Variants in RIGI observed in about 807,000 individuals in gnomAD.
RIGI encodes the protein RNA sensor RIG-I.
the RIGI span, among the ~76,000 whole-genome samples, chr9:32,471,058 G>A: frequency 6.6e-6 from 1 of 152,206 alleles, no homozygotes; most frequent in Non-Finnish European, 1.5e-5. Flanking sequence ...AGGAGTTCAA[G>A]ACCAGCCTGG....
At chr9:32,487,746 C>T in the RIGI span, 1 of 1,326,736 alleles carries the variant, frequency 7.5e-7, no homozygotes, top group East Asian at 2.4e-5. Flanking sequence ...TTTACTAACA[C>T]ACAGTGTATG....
At chr9:32,522,021 A>G in the RIGI span, among the ~76,000 whole-genome samples, 3 of 152,182 alleles carry the variant, frequency 2.0e-5, no homozygotes, top group Admixed American at 1.3e-4. Context: ...GATTTCTGAT[A>G]ACTTTGGAGA....
chr9:32,476,205 A>G, the RIGI span, among the ~76,000 whole-genome samples: 3 of 152,242 alleles, frequency 2.0e-5, no homozygotes, highest in African/African-American at 7.2e-5. Flanking sequence ...AATACTTACA[A>G]TTAGAGTGAC....
chr9:32,510,586 A>G, the RIGI span, among the ~76,000 whole-genome samples: 1 of 152,354 alleles, frequency 6.6e-6, no homozygotes, highest in East Asian at 1.9e-4. Flanking sequence ...CTCCTGAAGG[A>G]AGCACTAAAT....
chr9:32,519,383 T>C, the RIGI span, among the ~76,000 whole-genome samples: 1 of 152,218 alleles, frequency 6.6e-6, no homozygotes, highest in Non-Finnish European at 1.5e-5. Flanking sequence ...AGCTACCTTT[T>C]TCAAGCTTCC....
chr9:32,521,231 C>CTTTAACATT, the RIGI span, among the ~76,000 whole-genome samples: 1 of 147,984 alleles, frequency 6.8e-6, no homozygotes, highest in Non-Finnish European at 1.5e-5. Context: ...TTAAAATTAG[C>CTTTAACATT]TTTAACATTA....
At chr9:32,501,421 C>G in the RIGI span, among the ~76,000 whole-genome samples, 6 of 152,014 alleles carry the variant, frequency 3.9e-5, no homozygotes, top group African/African-American at 1.4e-4. Context: ...GGGAGGATCA[C>G]TTGAACCAAG....
the RIGI span, chr9:32,466,400 T>C: frequency 6.2e-7 from 1 of 1,613,616 alleles, no homozygotes; most frequent in African/African-American, 1.3e-5. Context: ...CCAGCATTAC[T>C]AGTCAGAAGG....
At chr9:32,501,085 A>G in the RIGI span, 5 of 1,020,408 alleles carry the variant, frequency 4.9e-6, no homozygotes, top group Non-Finnish European at 7.0e-6. Context: ...GAGAAGCAGC[A>G]AAACCTCTGC....
the RIGI span, chr9:32,492,465 T>C: frequency 1.2e-6 from 2 of 1,614,180 alleles, no homozygotes; most frequent in Non-Finnish European, 1.7e-6. Context: ...TTTGGGCCAG[T>C]TTTCCTTGTC....
At chr9:32,473,984 T>C in the RIGI span, among the ~76,000 whole-genome samples, 1 of 152,124 alleles carries the variant, frequency 6.6e-6, no homozygotes, top group Non-Finnish European at 1.5e-5. Context: ...GCCGAGGTTG[T>C]GCCACTGCAC....
chr9:32,502,363 T>G, the RIGI span, among the ~76,000 whole-genome samples: 1 of 152,346 alleles, frequency 6.6e-6, no homozygotes, highest in South Asian at 2.1e-4. Context: ...TTCTCTTGAG[T>G]ACACACATAG....
At chr9:32,472,348 A>G in the RIGI span, among the ~76,000 whole-genome samples, 5 of 152,348 alleles carry the variant, frequency 3.3e-5, no homozygotes, top group South Asian at 8.3e-4. Context: ...AGAGGAGGCA[A>G]TGTCTACAAG....
the RIGI span, among the ~76,000 whole-genome samples, chr9:32,495,747 C>A: frequency 4.0e-5 from 6 of 150,180 alleles, no homozygotes; most frequent in African/African-American, 1.5e-4. Context: ...GCAACATCCA[C>A]CTCCTGGGTT....
At chr9:32,457,031 G>A in the RIGI span, 4 of 975,620 alleles carry the variant, frequency 4.1e-6, no homozygotes, top group Non-Finnish European at 6.3e-6. Flanking sequence ...TTTCACAGGG[G>A]TACAAGCGAT....
the RIGI span, among the ~76,000 whole-genome samples, chr9:32,460,966 A>AG: frequency 6.6e-6 from 1 of 152,098 alleles, no homozygotes; most frequent in Non-Finnish European, 1.5e-5. Context: ...AAACAGGATA[A>AG]ACCCCTTCAA....
chr9:32,493,356 TG>T, the RIGI span, among the ~76,000 whole-genome samples: 1 of 152,262 alleles, frequency 6.6e-6, no homozygotes, highest in South Asian at 2.1e-4. Context: ...CTGAGCACGG[TG>T]GCTCACGCCT....
chr9:32,522,558 T>C, the RIGI span, among the ~76,000 whole-genome samples: 1 of 152,198 alleles, frequency 6.6e-6, no homozygotes, highest in African/African-American at 2.4e-5. Flanking sequence ...TTTGTGTGGG[T>C]AAATAAGCCA....
At chr9:32,491,300 C>T in the RIGI span, 1 of 1,612,804 alleles carries the variant, frequency 6.2e-7, no homozygotes, top group African/African-American at 1.3e-5. Context: ...ATACCAGGTA[C>T]CTGAAGGTGG....
Sources: gnomAD v4.1 joint callset for allele counts (sites outside exome capture counted in the v4.1 genomes callset) on GRCh38, gnomAD v4.1.1 for gene constraint, MANE v1.5 for transcripts, NCBI Gene and HGNC (gene_info 2026-07-23, HGNC 2026-07-21) for gene names.